Variants in NRXN3 observed in about 807,000 individuals in gnomAD.
The protein encoded by NRXN3 is neurexin III.
NRXN3 carries 32 observed loss-of-function variants against 137.6 expected under a neutral mutation model. That is an observed-to-expected ratio of 0.23 (90% confidence interval 0.18 to 0.31). The LOEUF (loss-of-function observed/expected upper bound fraction) is 0.31. Ranked by LOEUF, NRXN3 falls within the 10% of genes least tolerant of loss-of-function variation. The pLI is 1.00. For synonymous variants in NRXN3, 798 were observed against 784.5 expected (o/e 1.02, Z -0.29); for missense variants, 1,574 against 2,062.5 (o/e 0.76, Z 4.59).
chr14:78,346,690 C>G (rs751757231), intron 4 of NRXN3, among the ~76,000 whole-genome samples: 6 of 152,176 alleles, frequency 3.9e-5, no homozygotes, highest in African/African-American at 1.4e-4. Context: ...CTGTCTGCAC[C>G]TGCTCAGATA....
intron 15 of NRXN3, among the ~76,000 whole-genome samples, chr14:79,123,992 C>A (rs188836298): frequency 6.6e-6 from 1 of 152,212 alleles, no homozygotes; most frequent in East Asian, 1.9e-4. Context: ...TATCCCTCCC[C>A]ACTCCATCCC....
intron 8 of NRXN3, among the ~76,000 whole-genome samples, chr14:78,784,954 C>T (rs975080847): frequency 3.3e-5 from 5 of 152,046 alleles, no homozygotes; most frequent in Admixed American, 1.3e-4. Flanking sequence ...CAGGGGCAGG[C>T]CATTGGCCTG....
intron 16 of NRXN3, among the ~76,000 whole-genome samples, chr14:79,644,652 A>G (rs2098446064): frequency 7.3e-6 from 1 of 136,110 alleles, no homozygotes; most frequent in South Asian, 2.3e-4. Context: ...TACTACTTCT[A>G]TCGAAGGTTT....
At chr14:78,433,437 T>A (rs1351462242) in intron 4 of NRXN3, among the ~76,000 whole-genome samples, 1 of 152,148 alleles carries the variant, frequency 6.6e-6, no homozygotes, top group Non-Finnish European at 1.5e-5. Flanking sequence ...CGTAACAAGC[T>A]GGGTGGCTAC....
chr14:78,695,743 C>T (rs2152785551), intron 6 of NRXN3: 1 of 152,128 alleles, frequency 6.6e-6, no homozygotes, highest in Non-Finnish European at 1.5e-5. Context: ...ACTCACTCTT[C>T]TGTGTCCAGC....
intron 1 of NRXN3, among the ~76,000 whole-genome samples, chr14:78,188,099 A>G (rs1487674738): frequency 6.6e-6 from 1 of 152,186 alleles, no homozygotes; most frequent in Non-Finnish European, 1.5e-5. Flanking sequence ...GAGAAACAGG[A>G]TGGATTAAAT....
intron 10 of NRXN3, among the ~76,000 whole-genome samples, chr14:78,869,184 G>A (rs2099095216): frequency 6.6e-6 from 1 of 152,084 alleles, no homozygotes; most frequent in Admixed American, 6.6e-5. Flanking sequence ...ATTTTTCTTG[G>A]CATTTTCTTC....
intron 2 of NRXN3, among the ~76,000 whole-genome samples, chr14:78,274,383 GA>G (rs1470896470): frequency 2.0e-5 from 3 of 152,194 alleles, no homozygotes; most frequent in Non-Finnish European, 4.4e-5. Flanking sequence ...GCAAAAGGGG[GA>G]AAAGCCCCTT....
At chr14:78,513,158 T>C (rs1421293245) in intron 4 of NRXN3, among the ~76,000 whole-genome samples, 1 of 152,198 alleles carries the variant, frequency 6.6e-6, no homozygotes, top group Non-Finnish European at 1.5e-5. Context: ...CAGTCAGACT[T>C]TCCAGCTTCC....
intron 15 of NRXN3, among the ~76,000 whole-genome samples, chr14:79,256,423 T>C (rs1188129029): frequency 1.3e-5 from 2 of 152,200 alleles, no homozygotes; most frequent in Non-Finnish European, 2.9e-5. Context: ...TGTTAGCAAT[T>C]ACACAGAACT....
chr14:79,376,921 T>A (rs1451323238), intron 15 of NRXN3, among the ~76,000 whole-genome samples: 1 of 152,200 alleles, frequency 6.6e-6, no homozygotes, highest in Non-Finnish European at 1.5e-5. Context: ...TTAGAACTAC[T>A]CAGACTCTAC....
chr14:79,339,384 A>C (rs2153356779), intron 15 of NRXN3, among the ~76,000 whole-genome samples: 1 of 152,320 alleles, frequency 6.6e-6, no homozygotes, highest in Middle Eastern at 3.4e-3. Flanking sequence ...CAGATTCCTA[A>C]AACCTTACTC....
chr14:78,183,548 A>C (rs1260697892), intron 1 of NRXN3, among the ~76,000 whole-genome samples: 1 of 152,218 alleles, frequency 6.6e-6, no homozygotes, highest in Non-Finnish European at 1.5e-5. Flanking sequence ...ATAAAATATT[A>C]AATTCCTGAA....
At chr14:78,815,227 T>C (rs1220688166) in intron 10 of NRXN3, among the ~76,000 whole-genome samples, 1 of 152,216 alleles carries the variant, frequency 6.6e-6, no homozygotes, top group Non-Finnish European at 1.5e-5. Context: ...AGTAGTGTGC[T>C]GTACAAAAAT....
chr14:78,249,467 C>T lies in NRXN3; in HGVS notation c.709+5665C>T, dbSNP rs1008491934. Among the ~76,000 whole-genome samples, 11 of 152,300 alleles carry T rather than the reference C, an allele frequency of 7.2e-5. No homozygotes were observed. The East Asian group carries it at 2.1e-3, about 29-fold the overall frequency. ...GCTGTCCTTCAGCTGGGTCCTCTTT[C>T]TCCTTCACAGGGCAGATGAGGTGGG... On this transcript the variant is annotated intron_variant, in intron 2 of 20. Coordinates refer to ENST00000335750, the MANE Select transcript of NRXN3 (RefSeq NM_001330195.2).
chr14:78,304,459 G>T (rs557894420), intron 4 of NRXN3, among the ~76,000 whole-genome samples: 3 of 152,200 alleles, frequency 2.0e-5, no homozygotes, highest in Non-Finnish European at 4.4e-5. Flanking sequence ...TGAGGAGGCC[G>T]TTGGGCAGGA....
intron 15 of NRXN3, among the ~76,000 whole-genome samples, chr14:79,112,110 T>C (rs2053632166): frequency 1.3e-5 from 2 of 152,322 alleles, no homozygotes; most frequent in Non-Finnish European, 2.9e-5. Context: ...TTAAAAAATA[T>C]GCTGAGTACA....
intron 17 of NRXN3, among the ~76,000 whole-genome samples, chr14:79,671,427 A>G (rs1248378209): frequency 2.0e-5 from 3 of 152,110 alleles, no homozygotes; most frequent in African/African-American, 7.2e-5. Context: ...TGCCCAGTCT[A>G]GAAGTCAGCA....
chr14:79,630,748 T>C (rs944860418), intron 16 of NRXN3, among the ~76,000 whole-genome samples: 1 of 152,202 alleles, frequency 6.6e-6, no homozygotes, highest in Non-Finnish European at 1.5e-5. Context: ...ATAGTCCTTC[T>C]ATAAATAAAA....
Sources: gnomAD v4.1 joint callset for allele counts (sites outside exome capture counted in the v4.1 genomes callset) on GRCh38, gnomAD v4.1.1 for gene constraint, MANE v1.5 for transcripts, NCBI Gene and HGNC (gene_info 2026-07-23, HGNC 2026-07-21) for gene names.